The following FAH variants were observed in gnomAD, a reference collection of about 807,000 sequenced individuals.
The protein encoded by FAH is fumarylacetoacetate hydrolase, also known as fumarylacetoacetase.
FAH carries 47 observed loss-of-function variants against 55.8 expected under a neutral mutation model. The ratio of observed to expected loss-of-function variants is 0.84; its 90% CI spans 0.67 to 1.07. The LOEUF (loss-of-function observed/expected upper bound fraction) is 1.07, where lower values mean the gene tolerates loss of function less well. FAH is among the 50% of genes least tolerant of loss of function. The pLI is 0.00. For missense variants in FAH, 495 were observed against 545.9 expected (o/e 0.91, Z 0.93); for synonymous variants, 199 against 207.7 (o/e 0.96, Z 0.36).
At chr15:80,158,034 T>G in intron 1 of FAH, 26 bp from the exon 2 acceptor site, 1 of 1,566,092 alleles carries the variant, frequency 6.4e-7, no homozygotes, top group Non-Finnish European at 8.8e-7. Context: ...CTTTTTCTGG[T>G]GCTGACGGTG....
In FAH at chr15:80,153,201, T is replaced by C. The variant is rs1423618751; in HGVS notation, c.81+66T>C. The C allele has an allele frequency of 2.5e-6, 3 of 1,206,548 alleles. No individual in the cohort carries two copies. The East Asian group carries it at 7.0e-5, about 28-fold the overall frequency. 74.7% of individuals were successfully genotyped at this position (1,206,548 alleles called of 1,614,324 possible). On this transcript the variant is annotated intron_variant, in intron 1 of 13. Coordinates refer to ENST00000561421, the MANE Select transcript of FAH (RefSeq NM_000137.4). The stretch of plus-strand genomic sequence containing the variant: ...TGGAGTGGAGTGGAGTGGAGTGGAG[T>C]GGAGTGGAGTGGAATGGAGTGGAAT...
chr15:80,162,165 G>A lies in FAH; in HGVS notation c.365-81G>A, dbSNP rs570634240. 1.3e-4 allele frequency: 139 copies of A among 1,043,660 alleles called. 1 individual carries two copies. The highest frequency in any genetic ancestry group is 1.1e-3 in the African/African-American group (73 of 64,154). 64.6% of individuals were successfully genotyped at this position (1,043,660 alleles called of 1,614,324 possible). On this transcript the variant is annotated intron_variant, in intron 4 of 13. Transcript: ENST00000561421. ...TGTAAACAGTATTGTGTGCACACTC[G>A]TGGCTCCAGTGCTTGGAACAGTCCA...
intron 2 of FAH, among the ~76,000 whole-genome samples, chr15:80,159,217 G>C (rs565772600): frequency 7.1e-6 from 1 of 141,564 alleles, no homozygotes; most frequent in Non-Finnish European, 1.5e-5. Flanking sequence ...CAGCCTGGGT[G>C]ACAGAATGGG....
chr15:80,167,656 C>A (rs549110855), intron 5 of FAH, among the ~76,000 whole-genome samples: 5 of 151,790 alleles, frequency 3.3e-5, no homozygotes, highest in Admixed American at 6.6e-5. Flanking sequence ...CTCAGCCTCC[C>A]GAGTAGCTGG....
chr15:80,185,147 C>A (rs1164722499), intron 13 of FAH, among the ~76,000 whole-genome samples: 1 of 152,152 alleles, frequency 6.6e-6, no homozygotes, highest in Admixed American at 6.5e-5. Flanking sequence ...GAGAGATAAG[C>A]GTTGTTTTTC....
chr15:80,176,681 T>A (rs543112055), intron 10 of FAH, among the ~76,000 whole-genome samples: 19 of 152,342 alleles, frequency 1.2e-4, no homozygotes, highest in Admixed American at 2.0e-4. Context: ...CCACCCACAA[T>A]GCGTGCTTGG....
At chr15:80,159,228 A>G (rs375115400) in intron 2 of FAH, among the ~76,000 whole-genome samples, 37 of 24,000 alleles carry the variant, frequency 1.5e-3, no homozygotes, top group Middle Eastern at 0.062. Flanking sequence ...ACAGAATGGG[A>G]AAAAAAAAAA....
chr15:80,178,399 A>T (rs999486809), intron 11 of FAH, among the ~76,000 whole-genome samples: 2 of 151,814 alleles, frequency 1.3e-5, no homozygotes, highest in African/African-American at 4.8e-5. Context: ...GCTACCATGT[A>T]TTATTTTTTT....
chr15:80,159,442 C>T (rs2041128567), intron 2 of FAH, among the ~76,000 whole-genome samples: 1 of 152,070 alleles, frequency 6.6e-6, no homozygotes, highest in South Asian at 2.1e-4. Flanking sequence ...CTGGAGTGTG[C>T]CTCTACTGGA....
chr15:80,159,360 A>G (rs374584738), intron 2 of FAH, among the ~76,000 whole-genome samples: 5 of 152,068 alleles, frequency 3.3e-5, no homozygotes, highest in African/African-American at 9.7e-5. Context: ...GGCATGAGCC[A>G]TCACACCTGG....
At chr15:80,174,041 T>C (rs1209918777) in intron 9 of FAH, among the ~76,000 whole-genome samples, 1 of 152,196 alleles carries the variant, frequency 6.6e-6, no homozygotes, top group Non-Finnish European at 1.5e-5. Context: ...CCCTGAGGTC[T>C]TTCCTTGCAA....
chr15:80,160,841 C>T (rs2041142775), intron 4 of FAH, among the ~76,000 whole-genome samples: 1 of 152,202 alleles, frequency 6.6e-6, no homozygotes. Flanking sequence ...GAGCACGTGG[C>T]AGGATGTCTG....
At chr15:80,178,398 T>C (rs767056413) in intron 11 of FAH, among the ~76,000 whole-genome samples, 2 of 152,040 alleles carry the variant, frequency 1.3e-5, no homozygotes, top group Non-Finnish European at 2.9e-5. Context: ...TGCTACCATG[T>C]ATTATTTTTT....
Position 80,186,201 on chromosome 15 carries a change from C to T in FAH, c.1252C>T (p.Pro418Ser). The T allele has an allele frequency of 6.2e-7, 1 of 1,613,402 alleles. No homozygotes were observed. Among genetic ancestry groups the T allele is most frequent in the Non-Finnish European group, 8.5e-7 (1 of 1,179,330 alleles). ...TGGAAAAGTGCTGCCTGCTCTCCTG[C>T]CATCATGAGATTTTCTCTGCTCTTC... is the stretch of plus-strand genomic sequence containing the variant. ...CAGKVLPALL[P>S]S The change falls in exon 14 of 14, where the codon CCA (proline) becomes TCA (serine). Residue 418 changes from proline to serine, a missense_variant. Physicochemically the swap from Pro to Ser is moderately conservative, Grantham distance 74 (BLOSUM62 -1). Transcript: ENST00000561421.
chr15:80,155,393 G>T (rs148921019), intron 1 of FAH, among the ~76,000 whole-genome samples: 8 of 152,284 alleles, frequency 5.3e-5, no homozygotes, highest in Non-Finnish European at 1.2e-4. Flanking sequence ...TAAACCTACT[G>T]TGAAGTTATT....
intron 2 of FAH, 125 bp from the exon 3 acceptor site, chr15:80,159,631 T>G: frequency 4.5e-6 from 5 of 1,101,098 alleles, no homozygotes; most frequent in Non-Finnish European, 7.0e-6. Context: ...GCAGAGGTCC[T>G]GAGAGTTTGA....
At chr15:80,186,055 C>T in intron 13 of FAH, 75 bp from the exon 14 acceptor site, 3 of 1,155,718 alleles carry the variant, frequency 2.6e-6, no homozygotes, top group Non-Finnish European at 3.9e-6. Context: ...TGCTGACGGG[C>T]ACTGCCGCTG....
intron 10 of FAH, 134 bp from the exon 11 acceptor site, chr15:80,177,403 C>A (rs1039313158): frequency 1.8e-5 from 15 of 826,876 alleles, no homozygotes; most frequent in Admixed American, 1.8e-4. Flanking sequence ...GTCCTAGGAG[C>A]TAATTGTTTC....
At chr15:80,184,520 G>A (rs1012489127) in intron 13 of FAH, among the ~76,000 whole-genome samples, 6 of 151,856 alleles carry the variant, frequency 4.0e-5, no homozygotes, top group African/African-American at 7.3e-5. Context: ...CGAGTTAGTT[G>A]TTTTGATAGA....
Sources: allele counts gnomAD v4.1 joint callset (sites outside exome capture counted in the v4.1 genomes callset), GRCh38; gene constraint gnomAD v4.1.1; transcripts MANE v1.5; gene names NCBI Gene and HGNC (gene_info 2026-07-23, HGNC 2026-07-21).